Variants in PCLO observed in about 807,000 individuals in gnomAD.
PCLO encodes protein piccolo.
PCLO carries 82 observed loss-of-function variants against 427.5 expected under a neutral mutation model. The observed-to-expected ratio is 0.19, with a 90% CI of 0.16 to 0.23. The LOEUF is 0.23. Among genes scored for constraint, PCLO ranks in the 10% least tolerant of loss-of-function variants. PCLO has a pLI of 1.00. For missense variants in PCLO, 6,239 were observed against 6,115.9 expected (o/e 1.02, Z -0.67); for synonymous variants, 2,357 against 2,155.4 (o/e 1.09, Z -2.59).
chr7:82,877,405 C>G (rs1020694411), intron 10 of PCLO, among the ~76,000 whole-genome samples: 3 of 152,052 alleles, frequency 2.0e-5, no homozygotes, highest in Admixed American at 6.6e-5. Flanking sequence ...CATTTTTCTT[C>G]TAGGGTATAC....
At chr7:82,763,121 T>A (rs1218199208) in intron 22 of PCLO, among the ~76,000 whole-genome samples, 1 of 152,094 alleles carries the variant, frequency 6.6e-6, no homozygotes, top group Non-Finnish European at 1.5e-5. Flanking sequence ...AGAAATGCAC[T>A]GAAGGATTTA....
intron 9 of PCLO, among the ~76,000 whole-genome samples, chr7:82,883,727 T>A (rs1348290242): frequency 6.6e-6 from 1 of 152,198 alleles, no homozygotes; most frequent in East Asian, 1.9e-4. Flanking sequence ...GCTCCAGGCA[T>A]GAAAATTGCT....
chr7:82,897,456 T>C (rs78518568), intron 9 of PCLO, among the ~76,000 whole-genome samples: 5,957 of 151,610 alleles, frequency 0.039, 404 homozygotes, highest in African/African-American at 0.13. Flanking sequence ...AATTATAAAT[T>C]ATGATGCACC....
intron 3 of PCLO, among the ~76,000 whole-genome samples, chr7:83,012,317 T>C (rs894801913): frequency 6.6e-6 from 1 of 152,038 alleles, no homozygotes; most frequent in Non-Finnish European, 1.5e-5. Flanking sequence ...TGACTGATAA[T>C]TGTTTTTAAG....
intron 22 of PCLO, among the ~76,000 whole-genome samples, chr7:82,795,991 A>T (rs1791215255): frequency 6.6e-6 from 1 of 152,194 alleles, no homozygotes; most frequent in Non-Finnish European, 1.5e-5. Flanking sequence ...ATTTCAAAAA[A>T]TATTGAAAAC....
chr7:82,934,319 T>G (rs898674185), intron 6 of PCLO, among the ~76,000 whole-genome samples: 1 of 151,868 alleles, frequency 6.6e-6, no homozygotes, highest in Non-Finnish European at 1.5e-5. Flanking sequence ...TAAATAAAAC[T>G]AATTCTAGTA....
intron 3 of PCLO, among the ~76,000 whole-genome samples, chr7:83,052,214 A>T (rs1449434107): frequency 2.0e-5 from 3 of 152,022 alleles, no homozygotes; most frequent in Non-Finnish European, 2.9e-5. Context: ...CAAATGTACC[A>T]CACTAATGCA....
At chr7:83,061,754 GAC>G (rs990005318) in intron 3 of PCLO, among the ~76,000 whole-genome samples, 2 of 152,032 alleles carry the variant, frequency 1.3e-5, no homozygotes, top group African/African-American at 4.8e-5. Context: ...TCCTCAACTA[GAC>G]ACAGTCATAA....
chr7:82,784,527 T>G (rs1319281549), intron 22 of PCLO, among the ~76,000 whole-genome samples: 2 of 152,202 alleles, frequency 1.3e-5, no homozygotes, highest in Admixed American at 1.3e-4. Flanking sequence ...ACCACACAAT[T>G]AACATCTGTC....
chr7:82,982,942 G>T (rs1028347928), intron 3 of PCLO, among the ~76,000 whole-genome samples: 1 of 151,420 alleles, frequency 6.6e-6, no homozygotes, highest in East Asian at 1.9e-4. Context: ...TTTATATAAA[G>T]TTTTTATCTA....
chr7:83,146,389 T>C (rs553631205), intron 2 of PCLO, among the ~76,000 whole-genome samples: 2 of 152,296 alleles, frequency 1.3e-5, no homozygotes, highest in South Asian at 4.1e-4. Flanking sequence ...TTTACCTCTT[T>C]ATCTTCAGTG....
intron 20 of PCLO, among the ~76,000 whole-genome samples, chr7:82,812,643 A>T (rs1356940702): frequency 6.6e-6 from 1 of 151,606 alleles, no homozygotes; most frequent in East Asian, 1.9e-4. Context: ...AGAATGAAAA[A>T]AGAATGTATC....
At chr7:83,059,381 A>ATATATATAT (rs757350399) in intron 3 of PCLO, among the ~76,000 whole-genome samples, 1,741 of 95,754 alleles carry the variant, frequency 0.018, 28 homozygotes, top group Middle Eastern at 0.034. Flanking sequence ...TATATATATA[A>ATATATATAT]AAATGAAAAA....
chr7:83,049,170 A>G (rs1789173288), intron 3 of PCLO, among the ~76,000 whole-genome samples: 1 of 152,168 alleles, frequency 6.6e-6, no homozygotes, highest in African/African-American at 2.4e-5. Context: ...CTGCTCTGTC[A>G]GTCTCTAATG....
At chr7:82,761,027 A>C (rs1038485744) in intron 23 of PCLO, among the ~76,000 whole-genome samples, 1 of 131,916 alleles carries the variant, frequency 7.6e-6, no homozygotes, top group South Asian at 2.3e-4. Flanking sequence ...TAACTCACTT[A>C]ACTTCAAACT....
rs368095737 is a variant in PCLO, at chr7:83,155,499, G to A, written c.1142C>T (p.Pro381Leu). 6.2e-7 allele frequency: 1 copy of A among 1,613,010 alleles called. No individual in the cohort carries two copies. Among genetic ancestry groups the A allele is most frequent in the Non-Finnish European group, 8.5e-7 (1 of 1,179,424 alleles). ...CTTTGGCCCAGGCTGCTCCGATGAA[G>A]GCTTCTCTGACCCAGTCTGCTGAGC... ...PPAQQTGSEK[P>L]SSEQPGPKAL... Residue 381 changes from proline to leucine, a missense_variant, in exon 2 of 25, where the codon CCT (proline) becomes CTT (leucine). This residue lies in a region of PCLO where 4,677 missense variants were observed against 4,468.4 expected (regional missense o/e 1.05). Transcript: ENST00000333891.
At chr7:83,085,738 AC>A (rs1448491274) in intron 3 of PCLO, among the ~76,000 whole-genome samples, 1 of 152,190 alleles carries the variant, frequency 6.6e-6, no homozygotes, top group Non-Finnish European at 1.5e-5. Context: ...CTTTAAAAAA[AC>A]ACATTAATCC....
chr7:83,127,396 CCATTATAAAAACAAGCAAAAAT>C (rs1252942212), intron 3 of PCLO, among the ~76,000 whole-genome samples: 1 of 151,782 alleles, frequency 6.6e-6, no homozygotes, highest in Admixed American at 6.6e-5. Flanking sequence ...GTGTATATAA[CCATTATAAAAACAAGCAAAAAT>C]CATTAGAAGG....
chr7:83,068,232 G>A (rs562733384), intron 3 of PCLO, among the ~76,000 whole-genome samples: 212 of 152,202 alleles, frequency 1.4e-3, no homozygotes, highest in African/African-American at 4.8e-3. Context: ...AGATAAGAAT[G>A]AGAGTCTGCA....
Sources: allele counts gnomAD v4.1 joint callset (sites outside exome capture counted in the v4.1 genomes callset), GRCh38; gene constraint gnomAD v4.1.1; regional missense constraint gnomAD v4.1.1; transcripts MANE v1.5; gene names NCBI Gene and HGNC (gene_info 2026-07-23, HGNC 2026-07-21).